Variants in SLC39A11 observed in about 807,000 individuals in gnomAD.
The protein encoded by SLC39A11 is zinc transporter ZIP11.
SLC39A11 carries 33 observed loss-of-function variants against 36.1 expected under a neutral mutation model. The observed-to-expected ratio is 0.91, with a 90% CI of 0.69 to 1.22. SLC39A11 has a LOEUF of 1.22. SLC39A11 is among the 50% of genes most tolerant of loss of function. The pLI is 0.00. For synonymous variants in SLC39A11, 166 were observed against 170.3 expected (o/e 0.97, Z 0.20); for missense variants, 432 against 430.3 (o/e 1.00, Z -0.03).
At chr17:72,901,544 G>A (rs141503975) in intron 5 of SLC39A11, among the ~76,000 whole-genome samples, 3 of 152,254 alleles carry the variant, frequency 2.0e-5, no homozygotes, top group East Asian at 1.9e-4. Context: ...AGAGAGGCTC[G>A]GGTTTGGACT....
At chr17:72,736,463 T>C (rs2074434348) in intron 7 of SLC39A11, among the ~76,000 whole-genome samples, 187 bp downstream of exon 7, 1 of 152,166 alleles carries the variant, frequency 6.6e-6, no homozygotes, top group Admixed American at 6.6e-5. Flanking sequence ...GTTGAAAGAC[T>C]CCTCTCTTAG....
chr17:73,009,308 T>C lies in SLC39A11; in HGVS notation c.306+22248A>G, dbSNP rs79190943. ...GGCGTGAGCTTGCAGTGAGCCGAGATTGCGCCACTGCACTCCATCCTGGGG... is the reference window on the plus strand; with the variant it reads ...GGCGTGAGCTTGCAGTGAGCCGAGACTGCGCCACTGCACTCCATCCTGGGG... On this transcript the variant is annotated intron_variant, in intron 4 of 9. Coordinates refer to ENST00000255559, the MANE Select transcript of SLC39A11 (RefSeq NM_139177.4). Among the ~76,000 whole-genome samples, 1,156 of 146,456 alleles carry C rather than the reference T, an allele frequency of 7.9e-3. 8 individuals carry two copies. Among genetic ancestry groups the C allele is most frequent in the South Asian group, 0.046 (217 of 4,686 alleles).
At chr17:72,817,196 C>T (rs946930833) in intron 6 of SLC39A11, among the ~76,000 whole-genome samples, 5 of 151,960 alleles carry the variant, frequency 3.3e-5, no homozygotes, top group South Asian at 2.1e-4. Flanking sequence ...TCAACATGTG[C>T]TTCTGATGAG....
At chr17:72,729,436 TATATATATATATA>T (rs1567994883) in intron 7 of SLC39A11, among the ~76,000 whole-genome samples, 112 of 3,496 alleles carry the variant, frequency 0.032, 10 homozygotes, top group Middle Eastern at 0.042. Flanking sequence ...TATATATATA[TATATATATATATA>T]TATATATATT....
intron 6 of SLC39A11, among the ~76,000 whole-genome samples, chr17:72,745,007 A>G (rs2074871793): frequency 6.6e-6 from 1 of 152,038 alleles, no homozygotes; most frequent in Non-Finnish European, 1.5e-5. Flanking sequence ...AGGCCTGGCT[A>G]ATTTTTGTAT....
chr17:72,905,691 T>C (rs1235290865), intron 5 of SLC39A11, among the ~76,000 whole-genome samples: 1 of 151,426 alleles, frequency 6.6e-6, no homozygotes, highest in Non-Finnish European at 1.5e-5. Flanking sequence ...TCGTGGGCTC[T>C]ACCCAACATC....
intron 3 of SLC39A11, among the ~76,000 whole-genome samples, chr17:73,046,173 T>C (rs1477015496): frequency 2.0e-5 from 3 of 152,226 alleles, no homozygotes; most frequent in African/African-American, 7.2e-5. Flanking sequence ...ACCCACCTGC[T>C]AGCTTCATGC....
At chr17:72,699,418 A>T (rs1283691390) in intron 7 of SLC39A11, among the ~76,000 whole-genome samples, 2 of 152,130 alleles carry the variant, frequency 1.3e-5, no homozygotes, top group Non-Finnish European at 2.9e-5. Flanking sequence ...GCTGGGAGGT[A>T]GGGGCAAAGA....
At chr17:72,771,022 T>C (rs145470866) in intron 6 of SLC39A11, among the ~76,000 whole-genome samples, 79 of 152,200 alleles carry the variant, frequency 5.2e-4, no homozygotes, top group Non-Finnish European at 1.0e-3. Flanking sequence ...GCAACATCAT[T>C]TAGCATTTAC....
chr17:72,953,018 C>CT (rs1301358312), intron 4 of SLC39A11, among the ~76,000 whole-genome samples: 1 of 152,150 alleles, frequency 6.6e-6, no homozygotes, highest in Non-Finnish European at 1.5e-5. Context: ...ACCCCCTCTC[C>CT]TTCTCCATTG....
chr17:72,807,671 G>A (rs903136511), intron 6 of SLC39A11, among the ~76,000 whole-genome samples: 1 of 152,190 alleles, frequency 6.6e-6, no homozygotes, highest in Non-Finnish European at 1.5e-5. Context: ...AAGGGCAGTG[G>A]GCCTGGAGAG....
Position 72,899,682 on chromosome 17 carries a change from C to A in SLC39A11, c.430+48070G>T, listed in dbSNP as rs144345764. On this transcript the variant is annotated intron_variant, in intron 5 of 9. Coordinates refer to ENST00000255559, the MANE Select transcript of SLC39A11 (RefSeq NM_139177.4). Reference sequence around the variant, plus strand: ...CTGAGGGAGAGAACGACAGCAGGGGCCGGGCACGGTGGCTCATGCCTGTAA... The same window carrying A: ...CTGAGGGAGAGAACGACAGCAGGGGACGGGCACGGTGGCTCATGCCTGTAA... Among the ~76,000 whole-genome samples, 32 of 152,306 alleles carry A rather than the reference C, an allele frequency of 2.1e-4. No homozygotes were observed. The East Asian group carries it at 3.3e-3, about 16-fold the overall frequency.
chr17:72,910,150 G>A (rs1311990562), intron 5 of SLC39A11, among the ~76,000 whole-genome samples: 1 of 152,046 alleles, frequency 6.6e-6, no homozygotes, highest in African/African-American at 2.4e-5. Flanking sequence ...GTTTGCCAAG[G>A]CTGATATTAC....
intron 4 of SLC39A11, among the ~76,000 whole-genome samples, chr17:72,972,290 G>T (rs574310726): frequency 6.0e-4 from 91 of 152,270 alleles, no homozygotes; most frequent in Middle Eastern, 3.4e-3. Flanking sequence ...TGGGTGGGAA[G>T]TGAGATGAAG....
chr17:72,708,103 G>C (rs1215450093), intron 7 of SLC39A11, among the ~76,000 whole-genome samples: 1 of 152,174 alleles, frequency 6.6e-6, no homozygotes, highest in Non-Finnish European at 1.5e-5. Context: ...CCTGTATCCT[G>C]CTTGAGCAGC....
At chr17:72,763,577 T>C (rs79602347) in intron 6 of SLC39A11, among the ~76,000 whole-genome samples, 17 of 152,348 alleles carry the variant, frequency 1.1e-4, no homozygotes, top group Non-Finnish European at 2.4e-4. Flanking sequence ...TTCAAAATAA[T>C]TAAGAGCTGT....
chr17:73,038,574 G>A (rs1432596905), intron 3 of SLC39A11, among the ~76,000 whole-genome samples: 1 of 151,594 alleles, frequency 6.6e-6, no homozygotes, highest in Non-Finnish European at 1.5e-5. Context: ...AGACATGGTG[G>A]TGGGTGCCTG....
Position 72,714,081 on chromosome 17 carries a change from C to T in SLC39A11, c.671+22569G>A, listed in dbSNP as rs137950939. Among the ~76,000 whole-genome samples, 626 of 152,268 alleles carry T rather than the reference C, an allele frequency of 4.1e-3. 5 individuals carry two copies. Among genetic ancestry groups the T allele is most frequent in the African/African-American group, 0.014 (571 of 41,550 alleles). ...GCTGGGTGCAGTGGCTCAGGCCGGG[C>T]GCGGTGGCTAAAGCCTGTAATCCCA... On this transcript the variant is annotated intron_variant, in intron 7 of 9. Transcript: ENST00000255559.
At chr17:72,901,067 A>G (rs2082372557) in intron 5 of SLC39A11, among the ~76,000 whole-genome samples, 1 of 152,220 alleles carries the variant, frequency 6.6e-6, no homozygotes, top group Non-Finnish European at 1.5e-5. Context: ...AACCCATCAG[A>G]ATATCAGCAA....
Sources: allele counts gnomAD v4.1 joint callset (sites outside exome capture counted in the v4.1 genomes callset), GRCh38; gene constraint gnomAD v4.1.1; transcripts MANE v1.5; gene names NCBI Gene and HGNC (gene_info 2026-07-23, HGNC 2026-07-21).